ATG13: variants seen among roughly 807,000 people sequenced by gnomAD.
The protein encoded by ATG13 is autophagy related 13, also known as autophagy-related protein 13.
Under a neutral mutation model 65.5 loss-of-function variants are expected in ATG13, and 23 were observed. The observed-to-expected ratio is 0.35, with a 90% confidence interval of 0.25 to 0.50. The LOEUF is 0.50. Ranked by LOEUF, ATG13 falls within the 20% of genes least tolerant of loss-of-function variation. The pLI, the probability that ATG13 is intolerant of heterozygous loss-of-function variation, is 0.98. For synonymous variants in ATG13, 252 were observed against 245.2 expected, an observed-to-expected ratio of 1.03 and a Z score of -0.26; for missense variants, 566 against 677.0, an observed-to-expected ratio of 0.84 and a Z score of 1.82.
At chr11:46,648,799 AG>A (rs1399205993) in intron 5 of ATG13, 2 of 154,432 alleles carry the variant, frequency 1.3e-5, no homozygotes, top group African/African-American at 2.5e-5. Flanking sequence ...AAAAAAAAAA[AG>A]AGAGAGAGAG....
In ATG13 at chr11:46,645,435, T is replaced by C; in HGVS notation, c.150+16T>C. On this transcript the variant is annotated intron_variant, in intron 4 of 18. Coordinates refer to ENST00000683050, the MANE Select transcript of ATG13 (RefSeq NM_001346311.2). ...TTCAGATTGGGTAAAATTCTATTAT[T>C]TACTAAGGTGTATACTGTAGTGTTT... is the stretch of plus-strand genomic sequence containing the variant. The C allele has an allele frequency of 6.2e-7, 1 of 1,604,764 alleles. No individual in the cohort carries two copies. Among genetic ancestry groups the C allele is most frequent in the South Asian group, 1.1e-5 (1 of 90,204 alleles).
At chr11:46,644,848 C>G (rs1300364846) in intron 3 of ATG13, among the ~76,000 whole-genome samples, 1 of 152,208 alleles carries the variant, frequency 6.6e-6, no homozygotes, top group Non-Finnish European at 1.5e-5. Flanking sequence ...TGTCACTCCT[C>G]TCAACCATTG....
At chr11:46,656,833 C>T (rs1412743232) in intron 8 of ATG13, 32 of 449,208 alleles carry the variant, frequency 7.1e-5, no homozygotes, top group Non-Finnish European at 1.1e-4. Context: ...GTAGCTTTAT[C>T]TATAAATAGA....
intron 15 of ATG13, 115 bp from the exon 16 acceptor site, chr11:46,668,384 A>G (rs2062876450): frequency 9.8e-7 from 1 of 1,023,548 alleles, no homozygotes; most frequent in African/African-American, 1.6e-5. Flanking sequence ...AAGGGGCAGC[A>G]TGGTCAGCAT....
chr11:46,652,124 T>C (rs1390188560), intron 7 of ATG13, among the ~76,000 whole-genome samples: 2 of 152,132 alleles, frequency 1.3e-5, no homozygotes, highest in African/African-American at 4.8e-5. Context: ...GGCACGCTCC[T>C]GTAATCCCAG....
intron 1 of ATG13, among the ~76,000 whole-genome samples, chr11:46,628,422 G>A (rs770754871): frequency 1.3e-5 from 2 of 151,848 alleles, no homozygotes; most frequent in Non-Finnish European, 2.9e-5. Context: ...ACAAAACCCC[G>A]CGTTTTAAGC....
At chr11:46,619,825 C>T (rs1302480652) in intron 1 of ATG13, among the ~76,000 whole-genome samples, 1 of 151,588 alleles carries the variant, frequency 6.6e-6, no homozygotes, top group African/African-American at 2.4e-5. Context: ...GTCAGGAGTT[C>T]AAGACCAGCC....
intron 5 of ATG13, 175 bp from the exon 6 acceptor site, chr11:46,648,962 A>G: frequency 2.2e-6 from 1 of 449,742 alleles, no homozygotes; most frequent in Admixed American, 4.1e-5. Flanking sequence ...AGTCATCAAA[A>G]TAGCATATAG....
chr11:46,647,683 C>T (rs2057982304), intron 5 of ATG13, among the ~76,000 whole-genome samples: 1 of 151,426 alleles, frequency 6.6e-6, no homozygotes, highest in Admixed American at 6.6e-5. Flanking sequence ...GGGATCCTCC[C>T]ACCTCAGCCT....
At chr11:46,644,243 G>T (rs1418261679) in intron 2 of ATG13, 36 bp from the exon 3 acceptor site, 5 of 1,451,520 alleles carry the variant, frequency 3.4e-6, no homozygotes, top group African/African-American at 1.4e-5. Flanking sequence ...CCTTTTTAAA[G>T]ATATTAGTCA....
rs528740103 is a variant in ATG13 at position 46,672,669 on chromosome 11, C to A, written c.*337C>A. On this transcript the variant is annotated 3_prime_UTR_variant, in exon 19 of 19. Transcript: ENST00000683050. ...TCCTGTTCCTCCTGCTGCCGGCCTC[C>A]TGCCTGGGCCTGCCTTGCAGCTGGC... 168 of 1,372,988 alleles carry A rather than the reference C, an allele frequency of 1.2e-4. 1 individual carries two copies. In the African/African-American group the frequency reaches 2.3e-3, roughly 18 times the overall value. 85.1% of individuals were successfully genotyped at this position (1,372,988 alleles called of 1,614,324 possible).
intron 4 of ATG13, 83 bp from the exon 5 acceptor site, chr11:46,645,787 C>T: frequency 6.4e-7 from 1 of 1,555,148 alleles, no homozygotes; most frequent in East Asian, 2.3e-5. Context: ...CACAGCAATA[C>T]TTGCATTACC....
At chr11:46,635,275 G>T (rs2053569962) in intron 2 of ATG13, among the ~76,000 whole-genome samples, 1 of 152,040 alleles carries the variant, frequency 6.6e-6, no homozygotes, top group African/African-American at 2.4e-5. Flanking sequence ...CAAAGTGCTG[G>T]GATTACAGGC....
rs750047680 is a variant in ATG13, at chr11:46,657,082, T to C, written c.500-13T>C. The C allele has an allele frequency of 6.2e-7, 1 of 1,603,358 alleles. No homozygotes were observed. The highest frequency in any genetic ancestry group is 1.1e-5 in the South Asian group (1 of 90,854). ...CTCTGCAAAAGAAGCTAATAATGTATCTCTTCTCCTAGGCTTCCAGACAGT... is the reference window on the plus strand; with the variant it reads ...CTCTGCAAAAGAAGCTAATAATGTACCTCTTCTCCTAGGCTTCCAGACAGT... On this transcript the variant is annotated splice_polypyrimidine_tract_variant and intron_variant, in intron 8 of 18. Coordinates refer to ENST00000683050, the MANE Select transcript of ATG13 (RefSeq NM_001346311.2).
Position 46,645,956 on chromosome 11 carries a change from CAT to C in ATG13, c.238_239del (p.Met80ValfsTer7). 6.2e-7 allele frequency: 1 copy of C among 1,614,150 alleles called. No individual in the cohort carries two copies. The highest frequency in any genetic ancestry group is 8.5e-7 in the Non-Finnish European group (1 of 1,180,010). On this transcript the variant is annotated frameshift_variant, in exon 5 of 19. Coordinates refer to ENST00000683050, the MANE Select transcript of ATG13 (RefSeq NM_001346311.2). LOFTEE classifies it high-confidence loss of function. The stretch of plus-strand genomic sequence containing the variant: ...GACAGCTGCCTGCAGTCGGGAGGTC[CAT>C]GTGTGTGGAGATTTCACTTAAGACT... ...AGQLPAVGRS[M>X]CVEISLKTSE...
intron 7 of ATG13, 94 bp from the exon 8 acceptor site, chr11:46,656,139 A>T (rs1311037951): frequency 1.8e-6 from 2 of 1,100,670 alleles, no homozygotes; most frequent in African/African-American, 3.2e-5. Flanking sequence ...TGAGTAAGGA[A>T]GGCTTTGTTT....
chr11:46,659,406 A>T lies in ATG13; in HGVS notation c.710A>T (p.Asp237Val). The change falls in exon 11 of 19, where the codon GAC becomes GTC. Residue 237 changes from aspartate (D) to valine (V), a missense_variant. By Grantham distance (152) the Asp-to-Val change is radical. This residue lies in a region of ATG13 where 387 missense variants were observed against 409.8 expected (regional missense o/e 0.94). Transcript: ENST00000683050. ...HPCNYRTAGEDTGVIYPSVED... is the reference protein window; with the variant it reads ...HPCNYRTAGEVTGVIYPSVED... ...TTTCACTTTAGAACTGCTGGTGAGG[A>T]CACTGGAGTAATATACCCGTCTGTA... 1 of 1,613,506 alleles carries T rather than the reference A, an allele frequency of 6.2e-7. No homozygotes were observed. The highest frequency in any genetic ancestry group is 1.3e-5 in the African/African-American group (1 of 75,042).
chr11:46,664,811 G>T (rs1565605518), intron 12 of ATG13, 38 bp from the exon 13 acceptor site: 6 of 1,573,200 alleles, frequency 3.8e-6, no homozygotes, highest in South Asian at 2.2e-5. Flanking sequence ...TTTTTTCCTT[G>T]CCTTTCCTTT....
chr11:46,627,550 G>A (rs1490363801), intron 1 of ATG13, among the ~76,000 whole-genome samples: 3 of 151,594 alleles, frequency 2.0e-5, no homozygotes, highest in East Asian at 3.9e-4. Context: ...AGCTCACTGC[G>A]ACCTTCGCCT....
Sources: gnomAD v4.1 joint callset for allele counts (sites outside exome capture counted in the v4.1 genomes callset) on GRCh38, gnomAD v4.1.1 for gene constraint, gnomAD v4.1.1 regional missense constraint, MANE v1.5 for transcripts, NCBI Gene and HGNC (gene_info 2026-07-23, HGNC 2026-07-21) for gene names.